CNTN4: variants seen among roughly 807,000 people sequenced by gnomAD.
CNTN4 encodes the protein contactin 4.
Under a neutral mutation model 122.5 loss-of-function variants are expected in CNTN4, and 77 were observed. The ratio of observed to expected loss-of-function variants is 0.63; its 90% CI spans 0.52 to 0.76. The LOEUF (loss-of-function observed/expected upper bound fraction) is 0.76, where lower values mean the gene tolerates loss of function less well. CNTN4 is among the 30% of genes least tolerant of loss of function. CNTN4 has a pLI of 0.00. For synonymous variants in CNTN4, 512 were observed against 447.0 expected, an observed-to-expected ratio of 1.15 and a Z score of -1.83; for missense variants, 1,256 against 1,259.1, an observed-to-expected ratio of 1.00 and a Z score of 0.04.
intron 16 of CNTN4, 50 bp downstream of exon 16, chr3:3,031,025 T>C: frequency 6.2e-7 from 1 of 1,611,010 alleles, no homozygotes; most frequent in Non-Finnish European, 8.5e-7. Flanking sequence ...TCATGATATC[T>C]ACTGTAGCGC....
intron 4 of CNTN4, among the ~76,000 whole-genome samples, chr3:2,633,334 A>G (rs1345545181): frequency 6.6e-6 from 1 of 152,210 alleles, no homozygotes; most frequent in Non-Finnish European, 1.5e-5. Context: ...TTAGGAACAG[A>G]TAAACTCCTA....
intron 3 of CNTN4, among the ~76,000 whole-genome samples, chr3:2,375,883 C>G (rs912892621): frequency 1.3e-5 from 2 of 151,772 alleles, no homozygotes; most frequent in Non-Finnish European, 2.9e-5. Flanking sequence ...GTTCAACTTG[C>G]CCCTTTTATA....
intron 2 of CNTN4, among the ~76,000 whole-genome samples, chr3:2,164,157 C>G (rs566511751): frequency 1.3e-5 from 2 of 151,686 alleles, no homozygotes; most frequent in South Asian, 4.2e-4. Context: ...CACCTGTACC[C>G]CCACAACTAT....
intron 7 of CNTN4, among the ~76,000 whole-genome samples, chr3:2,825,572 C>G (rs766548834): frequency 1.6e-4 from 24 of 152,020 alleles, no homozygotes; most frequent in Non-Finnish European, 2.8e-4. Flanking sequence ...GCCTCTAGTC[C>G]CAGCTATTTG....
intron 4 of CNTN4, among the ~76,000 whole-genome samples, chr3:2,618,635 G>A (rs995890271): frequency 3.9e-5 from 6 of 152,042 alleles, no homozygotes; most frequent in Non-Finnish European, 7.4e-5. Flanking sequence ...AGCACAGCGG[G>A]GATAATTAAC....
At chr3:2,934,329 CT>C (rs1244074616) in intron 13 of CNTN4, among the ~76,000 whole-genome samples, 4 of 152,212 alleles carry the variant, frequency 2.6e-5, no homozygotes, top group Non-Finnish European at 5.9e-5. Flanking sequence ...GCTCATGTGT[CT>C]TGTCTATAGA....
chr3:2,507,971 C>T (rs2076781786), intron 3 of CNTN4, among the ~76,000 whole-genome samples: 1 of 152,052 alleles, frequency 6.6e-6, no homozygotes, highest in Non-Finnish European at 1.5e-5. Flanking sequence ...AGGCATATTG[C>T]ACCCTTTTAT....
intron 7 of CNTN4, among the ~76,000 whole-genome samples, chr3:2,821,972 A>G (rs1224423887): frequency 2.0e-5 from 3 of 152,222 alleles, no homozygotes; most frequent in Non-Finnish European, 4.4e-5. Flanking sequence ...CTGAGCTAAC[A>G]TTTCCAGCAG....
intron 4 of CNTN4, among the ~76,000 whole-genome samples, chr3:2,620,338 A>G (rs1395347753): frequency 6.6e-6 from 1 of 152,040 alleles, no homozygotes; most frequent in Non-Finnish European, 1.5e-5. Context: ...TGTATCTATG[A>G]AAATACAAAA....
intron 3 of CNTN4, among the ~76,000 whole-genome samples, chr3:2,449,569 C>T (rs551391100): frequency 1.4e-5 from 2 of 146,252 alleles, no homozygotes; most frequent in East Asian, 2.0e-4. Context: ...GATCTGAGAT[C>T]ATGCCACTGC....
intron 3 of CNTN4, among the ~76,000 whole-genome samples, chr3:2,493,176 TA>T (rs1472064110): frequency 6.6e-6 from 1 of 152,130 alleles, no homozygotes; most frequent in Non-Finnish European, 1.5e-5. Context: ...TTTTTCTGGG[TA>T]CAAAGATGAT....
At chr3:2,967,035 A>G (rs1049880097) in intron 13 of CNTN4, among the ~76,000 whole-genome samples, 1 of 152,208 alleles carries the variant, frequency 6.6e-6, no homozygotes, top group Admixed American at 6.5e-5. Flanking sequence ...TAATTCACTC[A>G]GAGCTGGCTA....
chr3:2,480,600 T>C lies in CNTN4; in HGVS notation c.-88-90816T>C, dbSNP rs2075963386. On this transcript the variant is annotated intron_variant, in intron 3 of 24. Coordinates refer to ENST00000418658, the MANE Select transcript of CNTN4 (RefSeq NM_175607.3). ...CTATGTGAAGAAAACTAGAAAACTCTGATAAAAGAACTAAATAAGTGGAAA... is the reference window on the plus strand; with the variant it reads ...CTATGTGAAGAAAACTAGAAAACTCCGATAAAAGAACTAAATAAGTGGAAA... 2.0e-5 allele frequency among the ~76,000 whole-genome samples: 3 copies of C among 152,196 alleles called. No homozygotes were observed. The South Asian group carries it at 6.2e-4, about 31-fold the overall frequency.
At chr3:2,834,207 A>C (rs918354379) in intron 7 of CNTN4, among the ~76,000 whole-genome samples, 3 of 152,172 alleles carry the variant, frequency 2.0e-5, no homozygotes, top group African/African-American at 7.2e-5. Flanking sequence ...AAAAATAAAG[A>C]AAGCATAGAT....
At chr3:2,778,079 T>C (rs915702719) in intron 6 of CNTN4, among the ~76,000 whole-genome samples, 3 of 146,850 alleles carry the variant, frequency 2.0e-5, no homozygotes, top group Non-Finnish European at 4.5e-5. Flanking sequence ...CCGGGCGTGG[T>C]GGCGGGCGCC....
chr3:2,605,520 T>C (rs1000927675), intron 4 of CNTN4, among the ~76,000 whole-genome samples: 6 of 152,070 alleles, frequency 3.9e-5, no homozygotes, highest in Non-Finnish European at 5.9e-5. Context: ...GGCTTCTCTG[T>C]GGAGAATAAT....
intron 4 of CNTN4, among the ~76,000 whole-genome samples, chr3:2,610,757 A>G (rs1320867278): frequency 6.6e-6 from 1 of 152,214 alleles, no homozygotes; most frequent in East Asian, 1.9e-4. Flanking sequence ...CTATAAACAT[A>G]CAGCCAAGCA....
chr3:2,948,489 T>C (rs1197561312), intron 13 of CNTN4, among the ~76,000 whole-genome samples: 2 of 152,210 alleles, frequency 1.3e-5, no homozygotes, highest in Admixed American at 6.5e-5. Context: ...TGACCCTCCA[T>C]TGCATGTTAG....
intron 6 of CNTN4, among the ~76,000 whole-genome samples, chr3:2,769,199 C>T (rs2090982710): frequency 6.6e-6 from 1 of 152,090 alleles, no homozygotes; most frequent in Non-Finnish European, 1.5e-5. Context: ...CACGGTGGCT[C>T]ACACGTGTAA....
Sources: allele counts gnomAD v4.1 joint callset (sites outside exome capture counted in the v4.1 genomes callset), GRCh38; gene constraint gnomAD v4.1.1; transcripts MANE v1.5; gene names NCBI Gene and HGNC (gene_info 2026-07-23, HGNC 2026-07-21).